The following NLGN1 variants were observed in gnomAD, a reference collection of about 807,000 sequenced individuals.
NLGN1 encodes the protein neuroligin-1.
A neutral mutation model predicts 65.5 loss-of-function variants in NLGN1; 12 were observed. That is an observed-to-expected ratio of 0.18 (90% confidence interval 0.12 to 0.30). The LOEUF is 0.30. NLGN1 is among the 10% of genes least tolerant of loss of function. The pLI, the probability that NLGN1 is intolerant of heterozygous loss-of-function variation, is 1.00. For missense variants in NLGN1, 750 were observed against 1,007.1 expected, an observed-to-expected ratio of 0.74 and a Z score of 3.46; for synonymous variants, 350 against 359.5, an observed-to-expected ratio of 0.97 and a Z score of 0.30.
chr3:174,114,724 G>A (rs377078310), intron 4 of NLGN1, among the ~76,000 whole-genome samples: 76 of 152,098 alleles, frequency 5.0e-4, no homozygotes, highest in African/African-American at 1.5e-3. Flanking sequence ...TACATTATCC[G>A]TAAGGTGTTA....
chr3:173,796,868 C>T (rs13059306), intron 3 of NLGN1, among the ~76,000 whole-genome samples: 13,800 of 152,172 alleles, frequency 0.091, 683 homozygotes, highest in African/African-American at 0.12. Context: ...GCTCAATTTA[C>T]AGGAATAGAG....
intron 4 of NLGN1, among the ~76,000 whole-genome samples, chr3:174,080,185 A>G (rs1013504453): frequency 6.6e-6 from 1 of 152,188 alleles, no homozygotes; most frequent in African/African-American, 2.4e-5. Context: ...TATATACCCA[A>G]TGCGATGGAA....
chr3:174,215,341 A>C (rs376147216), intron 4 of NLGN1, among the ~76,000 whole-genome samples: 2 of 152,226 alleles, frequency 1.3e-5, no homozygotes, highest in Non-Finnish European at 2.9e-5. Flanking sequence ...TTGAGCACAC[A>C]GAGTGCCACT....
intron 4 of NLGN1, among the ~76,000 whole-genome samples, chr3:174,247,304 C>G (rs1225645287): frequency 6.6e-6 from 1 of 152,170 alleles, no homozygotes; most frequent in Admixed American, 6.5e-5. Context: ...TACGTATCAT[C>G]TGGAAGCTGT....
At chr3:173,472,784 G>A (rs143302673) in intron 2 of NLGN1, among the ~76,000 whole-genome samples, 1 of 152,112 alleles carries the variant, frequency 6.6e-6, no homozygotes, top group East Asian at 1.9e-4. Context: ...TTTTTTCTCA[G>A]CATTTTTCAA....
At chr3:173,748,452 G>A (rs1775852702) in intron 3 of NLGN1, among the ~76,000 whole-genome samples, 1 of 152,098 alleles carries the variant, frequency 6.6e-6, no homozygotes, top group Admixed American at 6.6e-5. Context: ...GTCTTCCCTA[G>A]AGCTGTCCAC....
At chr3:173,846,720 T>G (rs75608884) in intron 4 of NLGN1, among the ~76,000 whole-genome samples, 3,831 of 152,306 alleles carry the variant, frequency 0.025, 73 homozygotes, top group African/African-American at 0.049. Flanking sequence ...ATGGAAAGAT[T>G]AAATCATTTG....
At chr3:173,428,530 CA>C in intron 1 of NLGN1, among the ~76,000 whole-genome samples, 1 of 151,254 alleles carries the variant, frequency 6.6e-6, no homozygotes, top group South Asian at 2.1e-4. Context: ...AACTTTGACT[CA>C]AATAAAAGAA....
intron 2 of NLGN1, among the ~76,000 whole-genome samples, chr3:173,485,884 A>G (rs1728089566): frequency 2.0e-5 from 3 of 151,950 alleles, no homozygotes; most frequent in Admixed American, 2.0e-4. Flanking sequence ...TCTGACATTA[A>G]TTTGGCTAAA....
At chr3:173,553,703 T>A (rs903731381) in intron 2 of NLGN1, among the ~76,000 whole-genome samples, 1 of 152,090 alleles carries the variant, frequency 6.6e-6, no homozygotes, top group Non-Finnish European at 1.5e-5. Context: ...ACTGTTTGAG[T>A]GAACATAAGT....
chr3:174,176,736 C>T (rs1002963184), intron 4 of NLGN1, among the ~76,000 whole-genome samples: 7 of 152,022 alleles, frequency 4.6e-5, no homozygotes, highest in Non-Finnish European at 1.0e-4. Flanking sequence ...ACTCAAAAAT[C>T]AAGAGTGTAT....
Position 173,643,509 on chromosome 3 carries a change from G to T in NLGN1, c.493+38418G>T, listed in dbSNP as rs969118062. Among the ~76,000 whole-genome samples, 10 of 152,242 alleles carry T rather than the reference G, an allele frequency of 6.6e-5. No homozygotes were observed. In the East Asian group the frequency reaches 1.3e-3, roughly 21 times the overall value. On this transcript the variant is annotated intron_variant, in intron 3 of 6. Coordinates refer to ENST00000457714, the Ensembl canonical transcript of NLGN1. ...AGAAACAATGTAAGTGAAAATAAGG[G>T]TGAGCAAAGTACTTCAAAGTACAGT...
At chr3:173,566,684 C>T (rs1743729429) in intron 2 of NLGN1, among the ~76,000 whole-genome samples, 1 of 152,044 alleles carries the variant, frequency 6.6e-6, no homozygotes, top group Non-Finnish European at 1.5e-5. Context: ...GCTATTAATC[C>T]TTGCTTCAGC....
chr3:173,855,223 T>C (rs1727736842), intron 4 of NLGN1, among the ~76,000 whole-genome samples: 1 of 152,242 alleles, frequency 6.6e-6, no homozygotes, highest in Middle Eastern at 3.4e-3. Flanking sequence ...CATATCTGTA[T>C]GTAATCCCAA....
chr3:173,588,883 G>A (rs759268163), intron 2 of NLGN1, among the ~76,000 whole-genome samples: 1 of 152,006 alleles, frequency 6.6e-6, no homozygotes, highest in Non-Finnish European at 1.5e-5. Context: ...TTCAATATAT[G>A]AATGTGTAGT....
At chr3:174,242,712 A>C in intron 4 of NLGN1, among the ~76,000 whole-genome samples, 1 of 152,258 alleles carries the variant, frequency 6.6e-6, no homozygotes, top group Non-Finnish European at 1.5e-5. Context: ...CATTATGGTG[A>C]ATTATATAAT....
intron 2 of NLGN1, among the ~76,000 whole-genome samples, chr3:173,501,135 T>A (rs963851799): frequency 6.6e-6 from 1 of 152,162 alleles, no homozygotes; most frequent in African/African-American, 2.4e-5. Flanking sequence ...AAGTTCCAGA[T>A]ACATGTGCAG....
chr3:173,953,301 A>G (rs149787821), intron 4 of NLGN1, among the ~76,000 whole-genome samples: 2 of 152,288 alleles, frequency 1.3e-5, no homozygotes, highest in African/African-American at 4.8e-5. Flanking sequence ...TCATTACATA[A>G]GTTGTTTTTC....
intron 4 of NLGN1, among the ~76,000 whole-genome samples, chr3:173,885,075 A>G (rs1734085964): frequency 6.6e-6 from 1 of 152,196 alleles, no homozygotes; most frequent in Non-Finnish European, 1.5e-5. Flanking sequence ...ATTTTTCAAC[A>G]TAATGAATTT....
Sources: allele counts gnomAD v4.1 joint callset (sites outside exome capture counted in the v4.1 genomes callset), GRCh38; gene constraint gnomAD v4.1.1; transcripts MANE v1.5; gene names NCBI Gene and HGNC (gene_info 2026-07-23, HGNC 2026-07-21).